ARHGAP24: variants seen among roughly 807,000 people sequenced by gnomAD.
The protein encoded by ARHGAP24 is rho GTPase-activating protein 24.
A neutral mutation model predicts 76.4 loss-of-function variants in ARHGAP24; 50 were observed. That is an observed-to-expected ratio of 0.65 (90% CI 0.52 to 0.83). The LOEUF (loss-of-function observed/expected upper bound fraction) is 0.83. Ranked by LOEUF, ARHGAP24 falls within the 40% of genes least tolerant of loss-of-function variation. ARHGAP24 has a pLI of 0.00. For missense variants in ARHGAP24, 930 were observed against 914.2 expected (o/e 1.02, Z -0.22); for synonymous variants, 345 against 323.3 (o/e 1.07, Z -0.72).
chr4:85,964,333 G>GA (rs2148844828), intron 5 of ARHGAP24, among the ~76,000 whole-genome samples: 1 of 152,232 alleles, frequency 6.6e-6, no homozygotes, highest in East Asian at 1.9e-4. Context: ...CACAAGGGGA[G>GA]ATTTTTCTGT....
intron 2 of ARHGAP24, among the ~76,000 whole-genome samples, chr4:85,688,239 T>C: frequency 6.6e-6 from 1 of 152,208 alleles, no homozygotes; most frequent in Non-Finnish European, 1.5e-5. Flanking sequence ...GCATCTGTTA[T>C]TTTTTGACTT....
intron 2 of ARHGAP24, among the ~76,000 whole-genome samples, chr4:85,701,248 T>C (rs1724075418): frequency 6.6e-6 from 1 of 152,208 alleles, no homozygotes; most frequent in Non-Finnish European, 1.5e-5. Context: ...TATCGATTTA[T>C]TATATTCCTT....
chr4:85,918,832 T>C (rs1735561126), intron 3 of ARHGAP24, among the ~76,000 whole-genome samples: 2 of 152,188 alleles, frequency 1.3e-5, no homozygotes, highest in Non-Finnish European at 2.9e-5. Flanking sequence ...AAATCATAAA[T>C]GGTTGATGTG....
chr4:85,994,150 G>A (rs150529298), intron 8 of ARHGAP24, among the ~76,000 whole-genome samples: 2 of 152,216 alleles, frequency 1.3e-5, no homozygotes, highest in East Asian at 3.9e-4. Flanking sequence ...TATTAGATGA[G>A]AGGTCACAGT....
intron 8 of ARHGAP24, among the ~76,000 whole-genome samples, chr4:85,992,582 T>C (rs1004539479): frequency 3.3e-5 from 5 of 152,154 alleles, no homozygotes; most frequent in Non-Finnish European, 5.9e-5. Flanking sequence ...CAGTCATATA[T>C]AATGGAAACT....
chr4:85,762,848 G>A (rs1726782934), intron 3 of ARHGAP24, among the ~76,000 whole-genome samples: 1 of 152,136 alleles, frequency 6.6e-6, no homozygotes, highest in African/African-American at 2.4e-5. Flanking sequence ...TAACTGTGAA[G>A]ATCAACAAGC....
intron 2 of ARHGAP24, among the ~76,000 whole-genome samples, chr4:85,615,201 T>C (rs533233234): frequency 6.6e-5 from 10 of 152,202 alleles, no homozygotes; most frequent in African/African-American, 2.4e-4. Flanking sequence ...CACAAGATTT[T>C]GTGCATGCAG....
At chr4:85,530,811 C>T (rs993097852) in intron 1 of ARHGAP24, among the ~76,000 whole-genome samples, 4 of 151,920 alleles carry the variant, frequency 2.6e-5, no homozygotes, top group Non-Finnish European at 5.9e-5. Flanking sequence ...GAAATTCATT[C>T]TCAAAATAAA....
At position 85,942,536 on chromosome 4, in the gene ARHGAP24, C is replaced by T. The variant is rs1737012485; in HGVS notation, c.599+263C>T. On this transcript the variant is annotated intron_variant, in intron 5 of 9. Coordinates refer to ENST00000395184, the MANE Select transcript of ARHGAP24 (RefSeq NM_001025616.3). ...GGTACTAAAGTAAAACTGTATTAAA[C>T]TTTTGCACTGGAAAAAGTGAATTTA... is the stretch of plus-strand genomic sequence containing the variant. 1.0e-5 allele frequency: 4 copies of T among 388,146 alleles called. No individual in the cohort carries two copies. In the South Asian group the frequency reaches 2.0e-4, roughly 19 times the overall value. The allele number at this position is 388,146 out of a possible 1,614,324, so 24.0% of individuals were successfully genotyped here.
intron 3 of ARHGAP24, among the ~76,000 whole-genome samples, chr4:85,899,815 A>G (rs984381221): frequency 6.6e-6 from 1 of 152,230 alleles, no homozygotes; most frequent in African/African-American, 2.4e-5. Context: ...TGGGAAGCAG[A>G]GGCAAGGGGA....
At chr4:85,563,947 GTACACAGC>G (rs1055255937) in intron 1 of ARHGAP24, among the ~76,000 whole-genome samples, 4 of 152,056 alleles carry the variant, frequency 2.6e-5, no homozygotes, top group African/African-American at 9.7e-5. Context: ...TCTAAATCAG[GTACACAGC>G]TACAGTTATT....
chr4:85,684,637 A>G (rs1031865480), intron 2 of ARHGAP24, among the ~76,000 whole-genome samples: 5 of 152,204 alleles, frequency 3.3e-5, no homozygotes, highest in Admixed American at 6.5e-5. Flanking sequence ...GTATCATATT[A>G]TAAATCTACC....
At chr4:85,921,545 T>TAA (rs1560719030) in intron 3 of ARHGAP24, among the ~76,000 whole-genome samples, 149 of 134,198 alleles carry the variant, frequency 1.1e-3, no homozygotes, top group African/African-American at 3.9e-3. Flanking sequence ...AAAAGTTTTT[T>TAA]TAAAAAAAAA....
At chr4:85,544,693 C>G (rs1442025800) in intron 1 of ARHGAP24, among the ~76,000 whole-genome samples, 1 of 151,882 alleles carries the variant, frequency 6.6e-6, no homozygotes, top group Non-Finnish European at 1.5e-5. Context: ...TATATATACA[C>G]ACATACATAT....
chr4:85,923,513 T>C, intron 3 of ARHGAP24, 135 bp from the exon 4 acceptor site: 5 of 1,276,850 alleles, frequency 3.9e-6, no homozygotes, highest in Non-Finnish European at 5.5e-6. Context: ...GAAACCATGG[T>C]AAATATTTCA....
At position 85,913,332 on chromosome 4, in the gene ARHGAP24, A is replaced by G. The variant is rs950258494; in HGVS notation, c.269-10316A>G. Among the ~76,000 whole-genome samples the G allele has an allele frequency of 2.0e-5, 3 of 150,288 alleles. No individual in the cohort carries two copies. The Admixed American group carries it at 2.0e-4, about 10-fold the overall frequency. On this transcript the variant is annotated intron_variant, in intron 3 of 9. Transcript: ENST00000395184. ...AACTTCCTCATTCCCTAATCCAGTTACCTACATCTAGTTGCCTAATCTAAT... is the reference window on the plus strand; with the variant it reads ...AACTTCCTCATTCCCTAATCCAGTTGCCTACATCTAGTTGCCTAATCTAAT...
intron 1 of ARHGAP24, among the ~76,000 whole-genome samples, chr4:85,488,708 A>T (rs1723244333): frequency 6.6e-6 from 1 of 152,200 alleles, no homozygotes; most frequent in Admixed American, 6.5e-5. Context: ...CTCCTAAGAC[A>T]TCTGATGCAT....
rs1420266674 is a variant in ARHGAP24, at chr4:86,002,421, C to G, written c.*1699C>G. 1.3e-5 allele frequency: 2 copies of G among 152,156 alleles called. No homozygotes were observed. Among genetic ancestry groups the G allele is most frequent in the African/African-American group, 2.4e-5 (1 of 41,426 alleles). The allele number at this position is 152,156 out of a possible 1,614,324, so 9.4% of individuals were successfully genotyped here. On this transcript the variant is annotated 3_prime_UTR_variant, in exon 10 of 10. Transcript: ENST00000395184. The stretch of plus-strand genomic sequence containing the variant: ...CTGGACATACGATAGGAAATTCAAA[C>G]TCAAAATATGAAAATTGATCTTAAT...
At chr4:85,968,108 G>T (rs964723923) in intron 5 of ARHGAP24, among the ~76,000 whole-genome samples, 3 of 151,984 alleles carry the variant, frequency 2.0e-5, no homozygotes, top group Non-Finnish European at 4.4e-5. Context: ...TTAGGAGCTT[G>T]TAGGGAGGAC....
Sources: allele counts gnomAD v4.1 joint callset (sites outside exome capture counted in the v4.1 genomes callset), GRCh38; gene constraint gnomAD v4.1.1; transcripts MANE v1.5; gene names NCBI Gene and HGNC (gene_info 2026-07-23, HGNC 2026-07-21).